Variants in CELF2 observed in about 807,000 individuals in gnomAD.
The protein encoded by CELF2 is CUGBP Elav-like family member 2, also known as CUG triplet repeat RNA-binding protein 2.
Under a neutral mutation model 62.6 loss-of-function variants are expected in CELF2, and 8 were observed. The ratio of observed to expected loss-of-function variants is 0.13; its 90% CI spans 0.07 to 0.23. The LOEUF (loss-of-function observed/expected upper bound fraction) is 0.23, where lower values mean the gene tolerates loss of function less well. Among genes scored for constraint, CELF2 ranks in the 10% least tolerant of loss-of-function variants. CELF2 has a pLI of 1.00. For synonymous variants in CELF2, 258 were observed against 250.0 expected (o/e 1.03, Z -0.30); for missense variants, 333 against 671.0 (o/e 0.50, Z 5.56).
At chr10:11,128,721 G>T (rs572983730) in intron 1 of CELF2, among the ~76,000 whole-genome samples, 145 of 152,220 alleles carry the variant, frequency 9.5e-4, no homozygotes, top group Admixed American at 5.8e-3. Flanking sequence ...TTTTGCACAT[G>T]GATTTTGTAT....
At chr10:10,592,650 C>T in the CELF2 span, among the ~76,000 whole-genome samples, 3 of 152,150 alleles carry the variant, frequency 2.0e-5, no homozygotes, top group Admixed American at 1.3e-4. Context: ...CAACTAATAT[C>T]TACTGATTTG....
chr10:10,634,203 T>C, the CELF2 span, among the ~76,000 whole-genome samples: 1 of 152,274 alleles, frequency 6.6e-6, no homozygotes, highest in African/African-American at 2.4e-5. Flanking sequence ...GTACATTTTT[T>C]ATTTCTTTAA....
At chr10:11,057,645 CT>C (rs970677145) in intron 1 of CELF2, among the ~76,000 whole-genome samples, 2 of 152,098 alleles carry the variant, frequency 1.3e-5, no homozygotes, top group Non-Finnish European at 2.9e-5. Context: ...TATGTTTTCT[CT>C]TTTTTTCCCC....
chr10:11,106,067 A>G (rs1284388657), intron 1 of CELF2, among the ~76,000 whole-genome samples: 1 of 152,168 alleles, frequency 6.6e-6, no homozygotes, highest in African/African-American at 2.4e-5. Context: ...AAAAGTTTTT[A>G]TGATTTTCAC....
chr10:10,582,814 C>T, the CELF2 span, among the ~76,000 whole-genome samples: 1 of 152,120 alleles, frequency 6.6e-6, no homozygotes, highest in African/African-American at 2.4e-5. Flanking sequence ...TGTATTCTGC[C>T]AGTCTTTGCT....
chr10:10,651,181 A>C, the CELF2 span, among the ~76,000 whole-genome samples: 1 of 121,432 alleles, frequency 8.2e-6, no homozygotes, highest in African/African-American at 3.0e-5. Flanking sequence ...AAAACGGCGC[A>C]CCACGAGATT....
intron 1 of CELF2, among the ~76,000 whole-genome samples, chr10:11,009,238 T>A (rs2055947080): frequency 6.6e-6 from 1 of 152,008 alleles, no homozygotes; most frequent in South Asian, 2.1e-4. Flanking sequence ...CCATTCAGAA[T>A]TAAAATGAAG....
At chr10:11,161,916 C>G (rs1016213200) in intron 1 of CELF2, among the ~76,000 whole-genome samples, 1 of 152,234 alleles carries the variant, frequency 6.6e-6, no homozygotes, top group African/African-American at 2.4e-5. Flanking sequence ...CACATAATTT[C>G]TGGCTTGCTT....
chr10:10,920,900 G>A (rs2064836924), intron 2 of CELF2, among the ~76,000 whole-genome samples: 3 of 152,088 alleles, frequency 2.0e-5, no homozygotes, highest in Non-Finnish European at 4.4e-5. Flanking sequence ...GGCATTGAAT[G>A]TATCTAGAAT....
At chr10:10,540,924 C>A in the CELF2 span, among the ~76,000 whole-genome samples, 1 of 152,040 alleles carries the variant, frequency 6.6e-6, no homozygotes, top group East Asian at 1.9e-4. Context: ...GTGGCTCATG[C>A]CTGTAATCCT....
chr10:10,635,072 C>T, the CELF2 span, among the ~76,000 whole-genome samples: 1 of 152,144 alleles, frequency 6.6e-6, no homozygotes, highest in African/African-American at 2.4e-5. Flanking sequence ...TGCTATGCAT[C>T]ACCTCTGCTT....
rs1227767870 is a variant in CELF2, at chr10:11,319,993, C to T, written c.1097-1196C>T. 7.8e-6 allele frequency: 3 copies of T among 382,254 alleles called. No individual in the cohort carries two copies. The highest frequency in any genetic ancestry group is 1.6e-5 in the Non-Finnish European group (3 of 187,928). The allele number at this position is 382,254 out of a possible 1,614,324, so 23.7% of individuals were successfully genotyped here. A position where few individuals can be genotyped will look rare whatever the true frequency, so the allele number is the denominator to read the frequency against. On this transcript the variant is annotated intron_variant, in intron 10 of 12. Coordinates refer to ENST00000633077, the MANE Select transcript of CELF2 (RefSeq NM_001326342.2). The surrounding 1 kb of genome is among the most constrained non-coding windows in gnomAD (Gnocchi z 4.4). ...TCATTAGACTTCTTACCTATTTTTT[C>T]AGTTAGCCATCCTTGCTGTTTTCAT...
At chr10:10,568,609 T>C in the CELF2 span, among the ~76,000 whole-genome samples, 1 of 152,158 alleles carries the variant, frequency 6.6e-6, no homozygotes, top group Non-Finnish European at 1.5e-5. Context: ...CCTACAGCAA[T>C]ACTGGTACCT....
chr10:10,539,935 A>G, the CELF2 span, among the ~76,000 whole-genome samples: 1 of 152,214 alleles, frequency 6.6e-6, no homozygotes, highest in Non-Finnish European at 1.5e-5. Flanking sequence ...TGCTCAGGGA[A>G]GACTGCCAGG....
the CELF2 span, among the ~76,000 whole-genome samples, chr10:10,664,103 T>C: frequency 3.3e-5 from 5 of 152,254 alleles, no homozygotes; most frequent in South Asian, 8.3e-4. Context: ...GAGTGAAAGA[T>C]AGGTAGGCAA....
the CELF2 span, among the ~76,000 whole-genome samples, chr10:10,548,258 C>T: frequency 2.6e-5 from 4 of 152,206 alleles, no homozygotes; most frequent in Non-Finnish European, 5.9e-5. Flanking sequence ...CATTCATTGT[C>T]GAGCTCCCAA....
the CELF2 span, among the ~76,000 whole-genome samples, chr10:10,590,684 G>A: frequency 6.6e-6 from 1 of 152,168 alleles, no homozygotes; most frequent in Non-Finnish European, 1.5e-5. Context: ...TGTCTCAGGT[G>A]TTCTCCACTC....
chr10:10,662,150 G>A, the CELF2 span, among the ~76,000 whole-genome samples: 4 of 152,056 alleles, frequency 2.6e-5, no homozygotes, highest in East Asian at 1.9e-4. Context: ...GGGTCTGAGC[G>A]GCCTCCAACC....
chr10:11,212,742 T>TTG (rs1422615090), intron 2 of CELF2, among the ~76,000 whole-genome samples: 1 of 148,416 alleles, frequency 6.7e-6, no homozygotes, highest in South Asian at 2.1e-4. Flanking sequence ...TTTGGGTTTT[T>TTG]TTTTTTTTTT....
Sources: gnomAD v4.1 joint callset for allele counts (sites outside exome capture counted in the v4.1 genomes callset) on GRCh38, gnomAD v4.1.1 for gene constraint, Gnocchi (gnomAD v3.1) non-coding constraint, MANE v1.5 for transcripts, NCBI Gene and HGNC (gene_info 2026-07-23, HGNC 2026-07-21) for gene names.